The following WDR70 variants were observed in gnomAD, a reference collection of about 807,000 sequenced individuals.
WDR70 encodes WD repeat-containing protein 70.
In WDR70, 53 loss-of-function variants were observed where a neutral mutation model predicts 88.6. That is an observed-to-expected ratio of 0.60 (90% CI 0.48 to 0.75). The LOEUF is 0.75. Ranked by LOEUF, WDR70 falls within the 30% of genes least tolerant of loss-of-function variation. The pLI is 0.00. For synonymous variants in WDR70, 280 were observed against 270.0 expected, an observed-to-expected ratio of 1.04 and a Z score of -0.36; for missense variants, 610 against 823.2, an observed-to-expected ratio of 0.74 and a Z score of 3.17.
At chr5:37,440,406 T>C (rs1315779357) in intron 6 of WDR70, among the ~76,000 whole-genome samples, 2 of 152,074 alleles carry the variant, frequency 1.3e-5, no homozygotes, top group East Asian at 3.9e-4. Flanking sequence ...AGTGCAGTGG[T>C]GCCATCTCAG....
chr5:37,673,945 ATCT>A (rs1415107162), intron 10 of WDR70, among the ~76,000 whole-genome samples: 1 of 152,062 alleles, frequency 6.6e-6, no homozygotes, highest in Non-Finnish European at 1.5e-5. Flanking sequence ...AAAGGACATT[ATCT>A]TCTTCATTTT....
intron 6 of WDR70, among the ~76,000 whole-genome samples, chr5:37,440,241 A>T (rs995453948): frequency 7.9e-5 from 12 of 152,320 alleles, no homozygotes; most frequent in African/African-American, 2.9e-4. Flanking sequence ...ACTGAATGTG[A>T]TGATAAAGTC....
At chr5:37,400,817 G>T (rs1392109022) in intron 5 of WDR70, among the ~76,000 whole-genome samples, 5 of 152,152 alleles carry the variant, frequency 3.3e-5, no homozygotes, top group Non-Finnish European at 2.9e-5. Context: ...GAAAAAAATT[G>T]CTATAGCGAA....
At chr5:37,563,214 C>A (rs1220657604) in intron 9 of WDR70, among the ~76,000 whole-genome samples, 1 of 69,862 alleles carries the variant, frequency 1.4e-5, no homozygotes, top group Non-Finnish European at 3.6e-5. Flanking sequence ...GGCGGCTGGC[C>A]GGGCAGAGGG....
At chr5:37,725,704 A>G (rs1220244643) in intron 16 of WDR70, among the ~76,000 whole-genome samples, 16 of 152,206 alleles carry the variant, frequency 1.1e-4, no homozygotes, top group Non-Finnish European at 2.4e-4. Context: ...CGTCCTAACT[A>G]AAGTTTCCAA....
At chr5:37,503,157 T>A (rs1740453891) in intron 8 of WDR70, among the ~76,000 whole-genome samples, 1 of 152,202 alleles carries the variant, frequency 6.6e-6, no homozygotes, top group Non-Finnish European at 1.5e-5. Flanking sequence ...TTTTCTTTTT[T>A]TGGTTACATT....
intron 10 of WDR70, among the ~76,000 whole-genome samples, chr5:37,617,492 A>G (rs776131972): frequency 6.6e-6 from 1 of 152,192 alleles, no homozygotes; most frequent in Non-Finnish European, 1.5e-5. Flanking sequence ...ATGTTTTTCA[A>G]TATTTCATGT....
At chr5:37,433,326 A>G (rs951190993) in intron 5 of WDR70, among the ~76,000 whole-genome samples, 1 of 151,938 alleles carries the variant, frequency 6.6e-6, no homozygotes, top group Non-Finnish European at 1.5e-5. Flanking sequence ...CTTACAAAGT[A>G]CTGGGATTAC....
chr5:37,695,544 C>T (rs1396565264), intron 10 of WDR70, among the ~76,000 whole-genome samples: 1 of 152,192 alleles, frequency 6.6e-6, no homozygotes, highest in Non-Finnish European at 1.5e-5. Flanking sequence ...TCAGGGTCCT[C>T]TTTCAAGCTC....
chr5:37,534,710 C>T (rs1304242660), intron 9 of WDR70, among the ~76,000 whole-genome samples: 5 of 152,022 alleles, frequency 3.3e-5, no homozygotes, highest in Admixed American at 1.3e-4. Context: ...AACTCCTGAC[C>T]TCAGGTGATC....
chr5:37,672,430 C>A (rs1296255311), intron 10 of WDR70, among the ~76,000 whole-genome samples: 2 of 152,110 alleles, frequency 1.3e-5, no homozygotes, highest in African/African-American at 4.8e-5. Context: ...AAAACCCGCT[C>A]GTACATTCGT....
intron 10 of WDR70, among the ~76,000 whole-genome samples, chr5:37,623,080 C>T (rs565832023): frequency 1.4e-4 from 21 of 152,100 alleles, no homozygotes; most frequent in African/African-American, 2.9e-4. Flanking sequence ...AAAGTTATGG[C>T]GGTATTAAAG....
At chr5:37,703,213 A>C in intron 13 of WDR70, 126 bp downstream of exon 13, 1 of 1,171,476 alleles carries the variant, frequency 8.5e-7, no homozygotes, top group Non-Finnish European at 1.2e-6. Flanking sequence ...GCTGCTTTTC[A>C]CTCTAGCGTA....
At chr5:37,721,010 A>G (rs1248806825) in intron 13 of WDR70, 105 bp from the exon 14 acceptor site, 7 of 925,664 alleles carry the variant, frequency 7.6e-6, no homozygotes, top group Non-Finnish European at 1.2e-5. Context: ...GAGGTAAACC[A>G]TCAGGATGAT....
chr5:37,394,340 G>A (rs190286367), intron 4 of WDR70, among the ~76,000 whole-genome samples: 6 of 151,716 alleles, frequency 4.0e-5, no homozygotes, highest in East Asian at 1.9e-4. Flanking sequence ...AAACTTGTGC[G>A]TTAATCATAA....
chr5:37,702,778 A>T (rs1315944525), intron 12 of WDR70, among the ~76,000 whole-genome samples, 171 bp from the exon 13 acceptor site: 1 of 152,220 alleles, frequency 6.6e-6, no homozygotes, highest in Non-Finnish European at 1.5e-5. Context: ...AATGTGGATA[A>T]TAACTACCAC....
At chr5:37,717,881 C>T (rs1418840915) in intron 13 of WDR70, among the ~76,000 whole-genome samples, 1 of 152,158 alleles carries the variant, frequency 6.6e-6, no homozygotes, top group Non-Finnish European at 1.5e-5. Flanking sequence ...AAGGCCCACC[C>T]ACCTTTGGCT....
intron 8 of WDR70, among the ~76,000 whole-genome samples, chr5:37,493,087 G>T (rs984859949): frequency 6.6e-6 from 1 of 152,096 alleles, no homozygotes; most frequent in African/African-American, 2.4e-5. Flanking sequence ...GCAAAGATTT[G>T]TGGGTTTGGC....
intron 10 of WDR70, among the ~76,000 whole-genome samples, chr5:37,656,636 TGCCCTGCCCAGAGA>T (rs1745563969): frequency 6.6e-6 from 1 of 152,222 alleles, no homozygotes; most frequent in Non-Finnish European, 1.5e-5. Flanking sequence ...CTTTCAGAGA[TGCCCTGCCCAGAGA>T]GGAGAAATCT....
Sources: gnomAD v4.1 joint callset for allele counts (sites outside exome capture counted in the v4.1 genomes callset) on GRCh38, gnomAD v4.1.1 for gene constraint, MANE v1.5 for transcripts, NCBI Gene and HGNC (gene_info 2026-07-23, HGNC 2026-07-21) for gene names.